Variants in KIF13B observed in about 807,000 individuals in gnomAD.
KIF13B encodes kinesin-like protein KIF13B.
In KIF13B, 127 loss-of-function variants were observed where a neutral mutation model predicts 222.0. The observed-to-expected ratio is 0.57, with a 90% CI of 0.50 to 0.66. The LOEUF is 0.66. Ranked by LOEUF, KIF13B falls within the 30% of genes least tolerant of loss-of-function variation. The pLI is 0.00. For missense variants in KIF13B, 2,173 were observed against 2,379.0 expected, an observed-to-expected ratio of 0.91 and a Z score of 1.80; for synonymous variants, 976 against 919.0, an observed-to-expected ratio of 1.06 and a Z score of -1.12.
At chr8:29,162,808 A>G (rs937047011) in intron 12 of KIF13B, among the ~76,000 whole-genome samples, 1 of 152,242 alleles carries the variant, frequency 6.6e-6, no homozygotes, top group Non-Finnish European at 1.5e-5. Context: ...CTATATGATA[A>G]AATACAGTTT....
At chr8:29,142,512 C>G (rs1220672813) in intron 18 of KIF13B, among the ~76,000 whole-genome samples, 7 of 152,200 alleles carry the variant, frequency 4.6e-5, no homozygotes, top group Non-Finnish European at 7.3e-5. Flanking sequence ...TATTTATAAA[C>G]TTCACTTTAA....
intron 19 of KIF13B, chr8:29,140,879 C>A: frequency 2.8e-6 from 1 of 360,658 alleles, no homozygotes; most frequent in Non-Finnish European, 5.0e-6. Context: ...CAGGTCATTA[C>A]TTTTATCAGC....
At chr8:29,087,785 G>T (rs1427034841) in intron 37 of KIF13B, among the ~76,000 whole-genome samples, 1 of 152,128 alleles carries the variant, frequency 6.6e-6, no homozygotes, top group Non-Finnish European at 1.5e-5. Context: ...CAGATGAGAT[G>T]TGGGAGACTC....
In KIF13B at chr8:29,186,236, A is replaced by G. The variant is rs554533125; in HGVS notation, c.497+56T>C. 227 of 1,406,698 alleles carry G rather than the reference A, an allele frequency of 1.6e-4. 1 individual carries two copies. In the African/African-American group the frequency reaches 1.9e-3, roughly 12 times the overall value. 87.1% of individuals were successfully genotyped at this position (1,406,698 alleles called of 1,614,324 possible). On this transcript the variant is annotated intron_variant, in intron 6 of 39. Coordinates refer to ENST00000524189, the MANE Select transcript of KIF13B (RefSeq NM_015254.4). The stretch of plus-strand genomic sequence containing the variant: ...ATTAAAAAGATTTGCACTTAAGCCA[A>G]TTTAAGTCTGTTTCAGTTCACAATG...
At chr8:29,229,573 A>G (rs1235464072) in intron 2 of KIF13B, among the ~76,000 whole-genome samples, 1 of 152,220 alleles carries the variant, frequency 6.6e-6, no homozygotes, top group African/African-American at 2.4e-5. Context: ...TAAAGTCTCT[A>G]TTCACTTCTT....
chr8:29,117,097 G>C, intron 30 of KIF13B, 90 bp from the exon 31 acceptor site: 4 of 1,188,774 alleles, frequency 3.4e-6, no homozygotes, highest in Non-Finnish European at 4.7e-6. Flanking sequence ...CAGGCTGAAA[G>C]GGCACATGCC....
At position 29,123,375 on chromosome 8, in the gene KIF13B, G is replaced by A; in HGVS notation, c.3470C>T (p.Pro1157Leu). The change falls in exon 28 of 40, where the codon CCA becomes CTA. Residue 1157 changes from proline (P) to leucine (L), a missense_variant. By Grantham distance (98) the Pro-to-Leu change is moderately conservative (BLOSUM62 -3). Coordinates refer to ENST00000524189, the MANE Select transcript of KIF13B (RefSeq NM_015254.4). ...PSAGSGIPGA[P>L]AEWTPVPGME... ...ACCACAGGGTTCATACCATTCTGCT[G>A]GGGCCCCTGGAATACCACTGCCAGC... 6.2e-7 allele frequency: 1 copy of A among 1,613,840 alleles called. No homozygotes were observed. Among genetic ancestry groups the A allele is most frequent in the Non-Finnish European group, 8.5e-7 (1 of 1,179,904 alleles).
chr8:29,188,303 T>C (rs1813029741), intron 5 of KIF13B, among the ~76,000 whole-genome samples: 1 of 152,244 alleles, frequency 6.6e-6, no homozygotes, highest in Non-Finnish European at 1.5e-5. Flanking sequence ...GCCAGTGCCT[T>C]GTGAGAAAAA....
Position 29,134,195 on chromosome 8 carries a change from C to T in KIF13B, c.2629G>A (p.Ala877Thr). 6.2e-7 allele frequency: 1 copy of T among 1,613,816 alleles called. No homozygotes were observed. The highest frequency in any genetic ancestry group is 8.5e-7 in the Non-Finnish European group (1 of 1,179,838). Residue 877 changes from alanine (A) to threonine (T), a missense_variant, in exon 22 of 40, where the codon GCT becomes ACT. Ala to Thr is a moderately conservative substitution (Grantham distance 58). This residue lies in a region of KIF13B where 1,480 missense variants were observed against 1,722.8 expected (regional missense o/e 0.86). Coordinates refer to ENST00000524189, the MANE Select transcript of KIF13B (RefSeq NM_015254.4). ...GACAGATGCTGTGGCAACCCAGTAG[C>T]TTGCAGGATTTTAACCTGAAGGAAA... ...KLVCMVKILQ[A>T]TGLPQHLSHF...
intron 32 of KIF13B, among the ~76,000 whole-genome samples, chr8:29,113,113 A>G (rs1809432718): frequency 6.6e-6 from 1 of 152,202 alleles, no homozygotes; most frequent in Non-Finnish European, 1.5e-5. Flanking sequence ...CACTCTGCTA[A>G]TAAGTGACAG....
chr8:29,092,016 G>C (rs1808321942), intron 37 of KIF13B, among the ~76,000 whole-genome samples: 1 of 152,224 alleles, frequency 6.6e-6, no homozygotes, highest in African/African-American at 2.4e-5. Flanking sequence ...ACTGCAACTT[G>C]AATGTTTAGA....
intron 13 of KIF13B, 105 bp downstream of exon 13, chr8:29,160,626 CTT>C (rs2130110817): frequency 1.0e-6 from 1 of 995,756 alleles, no homozygotes; most frequent in Non-Finnish European, 1.4e-6. Flanking sequence ...GGTTCTATAA[CTT>C]TTTGCTGTTT....
chr8:29,078,997 G>A (rs1247464313), intron 37 of KIF13B, among the ~76,000 whole-genome samples: 1 of 152,154 alleles, frequency 6.6e-6, no homozygotes, highest in Non-Finnish European at 1.5e-5. Flanking sequence ...ATGAACACAT[G>A]GGAGATGAGG....
chr8:29,157,725 T>C (rs775323342), intron 13 of KIF13B, among the ~76,000 whole-genome samples: 6 of 141,764 alleles, frequency 4.2e-5, no homozygotes, highest in Non-Finnish European at 7.6e-5. Flanking sequence ...TAAATAAATA[T>C]AAAAATGAGG....
In KIF13B at chr8:29,135,486, C is replaced by T. The variant is rs184637445; in HGVS notation, c.2614-1276G>A. ...TTAAACCAATTTTCACATGACTGAG[C>T]ATTAATCATAAATCATATTTTTCAC... On this transcript the variant is annotated intron_variant, in intron 21 of 39. Coordinates refer to ENST00000524189, the MANE Select transcript of KIF13B (RefSeq NM_015254.4). Among the ~76,000 whole-genome samples the T allele has an allele frequency of 2.3e-3, 351 of 152,282 alleles. 2 individuals are homozygous for T. Among genetic ancestry groups the T allele is most frequent in the African/African-American group, 8.1e-3 (338 of 41,544 alleles).
chr8:29,091,687 T>G (rs1459734204), intron 37 of KIF13B, among the ~76,000 whole-genome samples: 1 of 152,248 alleles, frequency 6.6e-6, no homozygotes, highest in African/African-American at 2.4e-5. Context: ...GGTGGATCTC[T>G]GGGGAAAAAA....
chr8:29,169,748 G>GA (rs1185312160), intron 10 of KIF13B, among the ~76,000 whole-genome samples: 3 of 152,142 alleles, frequency 2.0e-5, no homozygotes, highest in African/African-American at 7.2e-5. Context: ...GCAACTTCCA[G>GA]AAAAAATTCA....
At chr8:29,073,114 GA>G (rs1807385335) in intron 38 of KIF13B, among the ~76,000 whole-genome samples, 1 of 60,048 alleles carries the variant, frequency 1.7e-5, no homozygotes, top group Non-Finnish European at 4.0e-5. Flanking sequence ...CGAGGAGGGG[GA>G]CGAGGAGGGG....
At chr8:29,198,551 G>A (rs1463260726) in intron 2 of KIF13B, among the ~76,000 whole-genome samples, 2 of 152,116 alleles carry the variant, frequency 1.3e-5, no homozygotes, top group African/African-American at 4.8e-5. Flanking sequence ...TTGAACTCTT[G>A]ATCTCAAGTG....
Sources: gnomAD v4.1 joint callset for allele counts (sites outside exome capture counted in the v4.1 genomes callset) on GRCh38, gnomAD v4.1.1 for gene constraint, gnomAD v4.1.1 regional missense constraint, MANE v1.5 for transcripts, NCBI Gene and HGNC (gene_info 2026-07-23, HGNC 2026-07-21) for gene names.